Variants in MACROD2 observed in about 807,000 individuals in gnomAD.
MACROD2 encodes the protein ADP-ribose glycohydrolase MACROD2.
Under a neutral mutation model 70.4 loss-of-function variants are expected in MACROD2, and 36 were observed. The ratio of observed to expected loss-of-function variants is 0.51; its 90% CI spans 0.39 to 0.68. The LOEUF is 0.68. Among genes scored for constraint, MACROD2 ranks in the 30% least tolerant of loss-of-function variants. MACROD2 has a pLI of 0.00. For synonymous variants in MACROD2, 172 were observed against 178.8 expected (o/e 0.96, Z 0.30); for missense variants, 496 against 538.4 (o/e 0.92, Z 0.78).
At chr20:15,251,278 C>T (rs953468795) in intron 6 of MACROD2, among the ~76,000 whole-genome samples, 23 of 152,116 alleles carry the variant, frequency 1.5e-4, no homozygotes, top group Non-Finnish European at 3.2e-4. Context: ...TTTGCTGGAA[C>T]GTGGTGAAGT....
At chr20:14,598,792 C>T (rs1474231163) in intron 4 of MACROD2, among the ~76,000 whole-genome samples, 4 of 152,144 alleles carry the variant, frequency 2.6e-5, no homozygotes, top group African/African-American at 7.2e-5. Context: ...TGCAATTTCA[C>T]ATTATATGTG....
chr20:14,501,959 A>G (rs2084919608), intron 4 of MACROD2, among the ~76,000 whole-genome samples: 1 of 152,228 alleles, frequency 6.6e-6, no homozygotes, highest in African/African-American at 2.4e-5. Context: ...TAGCTATAGT[A>G]TAATGCTTGT....
At chr20:14,533,478 G>A (rs2085329951) in intron 4 of MACROD2, among the ~76,000 whole-genome samples, 1 of 152,078 alleles carries the variant, frequency 6.6e-6, no homozygotes, top group East Asian at 1.9e-4. Flanking sequence ...AAAATGTTTA[G>A]GAAAATAAAT....
chr20:15,888,107 C>G (rs1967628484), intron 10 of MACROD2, among the ~76,000 whole-genome samples: 1 of 152,132 alleles, frequency 6.6e-6, no homozygotes, highest in African/African-American at 2.4e-5. Flanking sequence ...TTACTAAAAT[C>G]ATCTCTCAAA....
chr20:15,380,265 A>G, intron 6 of MACROD2, among the ~76,000 whole-genome samples: 1 of 152,144 alleles, frequency 6.6e-6, no homozygotes. Context: ...TGTTAGAATG[A>G]AAGTTTTAGT....
At chr20:14,272,703 T>C (rs2082207784) in intron 3 of MACROD2, among the ~76,000 whole-genome samples, 1 of 151,674 alleles carries the variant, frequency 6.6e-6, no homozygotes, top group African/African-American at 2.4e-5. Context: ...GACTGGCAAA[T>C]TGGATAAAGA....
intron 13 of MACROD2, among the ~76,000 whole-genome samples, chr20:15,971,367 C>A (rs114417182): frequency 0.022 from 3,375 of 152,104 alleles, 127 homozygotes; most frequent in African/African-American, 0.078. Flanking sequence ...CCATGCTGTT[C>A]TCATGATAGT....
chr20:14,812,272 G>C (rs1192675195), intron 5 of MACROD2, among the ~76,000 whole-genome samples: 1 of 151,338 alleles, frequency 6.6e-6, no homozygotes, highest in African/African-American at 2.4e-5. Flanking sequence ...TTCATGTGGG[G>C]ACATGGGTGA....
chr20:14,455,370 G>T (rs1372178640), intron 3 of MACROD2, among the ~76,000 whole-genome samples: 1 of 151,854 alleles, frequency 6.6e-6, no homozygotes. Flanking sequence ...TGTAGCAGGA[G>T]ATCCTGAAAC....
intron 9 of MACROD2, among the ~76,000 whole-genome samples, chr20:15,867,711 T>C (rs2064513656): frequency 6.6e-6 from 1 of 152,160 alleles, no homozygotes; most frequent in African/African-American, 2.4e-5. Flanking sequence ...TTTTTTCTAC[T>C]AGAGTCTTAG....
chr20:14,268,346 T>C (rs1601416872), intron 3 of MACROD2, among the ~76,000 whole-genome samples: 2 of 152,156 alleles, frequency 1.3e-5, no homozygotes, highest in African/African-American at 4.8e-5. Flanking sequence ...TTTACTTGAA[T>C]TGGTATCCAA....
chr20:14,665,526 AT>A (rs910251143), intron 4 of MACROD2, among the ~76,000 whole-genome samples: 12 of 148,916 alleles, frequency 8.1e-5, no homozygotes, highest in South Asian at 2.1e-4. Flanking sequence ...AATTGGTTGT[AT>A]TTTTTTTTTC....
In MACROD2 at chr20:14,862,668, A is replaced by T. The variant is rs75769136; in HGVS notation, c.418+177709A>T. Among the ~76,000 whole-genome samples, 57 of 29,088 alleles carry T rather than the reference A, an allele frequency of 2.0e-3. 2 individuals carry two copies. Among genetic ancestry groups the T allele is most frequent in the African/African-American group, 8.3e-3 (52 of 6,296 alleles). 19.1% of individuals were successfully genotyped at this position (29,088 alleles called of 152,430 possible). A position where few individuals can be genotyped will look rare whatever the true frequency, so the allele number is the denominator to read the frequency against. Reference sequence around the variant, plus strand: ...ATATATATATATAAATATATATATAAATATATATAAATATATATATAAATA... The same window carrying T: ...ATATATATATATAAATATATATATATATATATATAAATATATATATAAATA... On this transcript the variant is annotated intron_variant, in intron 5 of 17. Coordinates refer to ENST00000684519, the MANE Select transcript of MACROD2 (RefSeq NM_001351661.2).
At chr20:15,213,910 A>C (rs1430044305) in intron 5 of MACROD2, among the ~76,000 whole-genome samples, 1 of 148,022 alleles carries the variant, frequency 6.8e-6, no homozygotes, top group Admixed American at 6.7e-5. Flanking sequence ...TTTTTTTTTT[A>C]TTTTTTGTTT....
intron 3 of MACROD2, among the ~76,000 whole-genome samples, chr20:14,092,130 G>A (rs968325150): frequency 3.9e-5 from 6 of 152,138 alleles, no homozygotes; most frequent in Middle Eastern, 3.4e-3. Flanking sequence ...ATTTATTTTA[G>A]CTGTTGTAAT....
chr20:14,130,549 AAAAG>A (rs1397010850), intron 3 of MACROD2, among the ~76,000 whole-genome samples: 1 of 152,196 alleles, frequency 6.6e-6, no homozygotes, highest in Non-Finnish European at 1.5e-5. Flanking sequence ...GTCTCAAAAA[AAAAG>A]AAAGAAAGAA....
At chr20:15,249,855 G>A (rs762417157) in intron 6 of MACROD2, among the ~76,000 whole-genome samples, 3 of 152,186 alleles carry the variant, frequency 2.0e-5, no homozygotes, top group Non-Finnish European at 4.4e-5. Context: ...AGCGCCAACA[G>A]GACCACCATC....
At chr20:14,965,944 G>T (rs1488310135) in intron 5 of MACROD2, among the ~76,000 whole-genome samples, 1 of 152,130 alleles carries the variant, frequency 6.6e-6, no homozygotes, top group African/African-American at 2.4e-5. Flanking sequence ...TTATGGTGCA[G>T]TTGAAAAATA....
chr20:16,001,056 T>A (rs2066702079), intron 15 of MACROD2, among the ~76,000 whole-genome samples: 1 of 152,220 alleles, frequency 6.6e-6, no homozygotes, highest in African/African-American at 2.4e-5. Context: ...AACTTCCAGA[T>A]CCTACTGATT....
Sources: allele counts gnomAD v4.1 joint callset (sites outside exome capture counted in the v4.1 genomes callset), GRCh38; gene constraint gnomAD v4.1.1; transcripts MANE v1.5; gene names NCBI Gene and HGNC (gene_info 2026-07-23, HGNC 2026-07-21).